Variants in SENP7 observed in about 807,000 individuals in gnomAD.
The protein encoded by SENP7 is SUMO specific peptidase 7.
A neutral mutation model predicts 141.2 loss-of-function variants in SENP7; 64 were observed. The observed-to-expected ratio is 0.45, with a 90% CI of 0.37 to 0.56. The LOEUF (loss-of-function observed/expected upper bound fraction) is 0.56. Among genes scored for constraint, SENP7 ranks in the 20% least tolerant of loss-of-function variants. The probability of loss-of-function intolerance (pLI) is 0.00; values close to 1 mark genes in which losing one functional copy is unlikely to be tolerated. For synonymous variants in SENP7, 382 were observed against 426.4 expected, an observed-to-expected ratio of 0.90 and a Z score of 1.28; for missense variants, 1,025 against 1,212.2, an observed-to-expected ratio of 0.85 and a Z score of 2.29.
At chr3:101,418,828 C>G (rs1181458861) in intron 4 of SENP7, among the ~76,000 whole-genome samples, 1 of 151,978 alleles carries the variant, frequency 6.6e-6, no homozygotes, top group Non-Finnish European at 1.5e-5. Context: ...AAAAATTAAG[C>G]TATTAGTTTT....
In SENP7 at chr3:101,357,595, C is replaced by G. The variant is rs934404743; in HGVS notation, c.1623+4120G>C. The G allele has an allele frequency of 7.0e-6, 8 of 1,134,924 alleles. No individual in the cohort carries two copies. The South Asian group carries it at 1.0e-4, about 14-fold the overall frequency. 70.3% of individuals were successfully genotyped at this position (1,134,924 alleles called of 1,614,324 possible). On this transcript the variant is annotated intron_variant, in intron 11 of 23. Coordinates refer to ENST00000394095, the MANE Select transcript of SENP7 (RefSeq NM_020654.5). ...ATGACAATTTACAGTTTAAAAAAAG[C>G]TGTAAAAGTGTGGATGAGTGTAAGG... is the stretch of plus-strand genomic sequence containing the variant.
intron 4 of SENP7, among the ~76,000 whole-genome samples, chr3:101,418,210 G>T (rs1035581035): frequency 4.6e-5 from 7 of 152,050 alleles, no homozygotes; most frequent in African/African-American, 1.7e-4. Context: ...GTCCACTACT[G>T]CATCACTTAC....
At chr3:101,498,503 T>G (rs888782465) in intron 2 of SENP7, among the ~76,000 whole-genome samples, 3 of 152,182 alleles carry the variant, frequency 2.0e-5, no homozygotes, top group African/African-American at 7.2e-5. Flanking sequence ...GTGAGAGATA[T>G]TCTACAAAAT....
At chr3:101,470,241 G>A (rs1413847961) in intron 3 of SENP7, among the ~76,000 whole-genome samples, 1 of 152,132 alleles carries the variant, frequency 6.6e-6, no homozygotes, top group Non-Finnish European at 1.5e-5. Context: ...CAGAACTGAA[G>A]GAGATAGAGA....
At chr3:101,377,257 C>T (rs1381158954) in intron 6 of SENP7, among the ~76,000 whole-genome samples, 1 of 152,138 alleles carries the variant, frequency 6.6e-6, no homozygotes, top group African/African-American at 2.4e-5. Flanking sequence ...AACAACTCTT[C>T]CTGGACGTGA....
intron 5 of SENP7, among the ~76,000 whole-genome samples, chr3:101,412,587 A>C (rs2061486569): frequency 6.6e-6 from 1 of 152,140 alleles, no homozygotes; most frequent in Non-Finnish European, 1.5e-5. Flanking sequence ...ACAAAGATAA[A>C]TAAATATATT....
chr3:101,361,716 G>A lies in SENP7; in HGVS notation c.1622C>T (p.Thr541Ile). The A allele has an allele frequency of 3.8e-6, 6 of 1,558,484 alleles. No individual in the cohort carries two copies. Among genetic ancestry groups the A allele is most frequent in the Non-Finnish European group, 1.7e-6 (2 of 1,160,654 alleles). The change falls in exon 11 of 24, where the codon ACA (threonine) becomes ATA (isoleucine). Residue 541 changes from threonine to isoleucine, a missense_variant and splice_region_variant. Coordinates refer to ENST00000394095, the MANE Select transcript of SENP7 (RefSeq NM_020654.5). ...GAAAATTAAAGAAAATATACTTACT[G>A]TAACACAACCTTTAGAAGCTCCTTT... is the stretch of plus-strand genomic sequence containing the variant. ...KIKGASKGCVTITKKYIKIPF... is the reference protein window; with the variant it reads ...KIKGASKGCVIITKKYIKIPF...
intron 1 of SENP7, among the ~76,000 whole-genome samples, chr3:101,501,723 T>C (rs1460001383): frequency 2.6e-5 from 4 of 151,994 alleles, no homozygotes; most frequent in South Asian, 2.1e-4. Flanking sequence ...ATGAGTACAG[T>C]ATAGTGGGCA....
intron 19 of SENP7, 120 bp from the exon 20 acceptor site, chr3:101,330,506 GATTTA>G: frequency 1.9e-6 from 1 of 525,284 alleles, no homozygotes. Context: ...AAATACTTGA[GATTTA>G]ATTTTTTTCA....
intron 6 of SENP7, among the ~76,000 whole-genome samples, chr3:101,384,061 C>A (rs530254328): frequency 6.6e-6 from 1 of 152,374 alleles, no homozygotes; most frequent in Admixed American, 6.5e-5. Flanking sequence ...TCAGGACTAC[C>A]TGCCTGCAGA....
In SENP7 at chr3:101,380,441, C is replaced by CG. The variant is rs1379903567; in HGVS notation, c.678-8316_678-8315insC. 7.2e-4 allele frequency among the ~76,000 whole-genome samples: 73 copies of CG among 101,148 alleles called. 2 individuals are homozygous for CG. The highest frequency in any genetic ancestry group is 1.3e-3 in the Admixed American group (10 of 7,538). The allele number at this position is 101,148 out of a possible 152,430, so 66.4% of individuals were successfully genotyped here. A position where few individuals can be genotyped will look rare whatever the true frequency, so the allele number is the denominator to read the frequency against. On this transcript the variant is annotated intron_variant, in intron 6 of 23. Transcript: ENST00000394095. ...GAACGTAAAGCAAACCACCGCCCCC[C>CG]CCCCCACACACACACACAAAACAAA...
chr3:101,512,979 GC>G, intron 1 of SENP7, 111 bp downstream of exon 1: 1 of 1,165,976 alleles, frequency 8.6e-7, no homozygotes. Context: ...TCCTCTCCCC[GC>G]CCCCGCCCTC....
At chr3:101,455,444 G>A (rs960880434) in intron 4 of SENP7, among the ~76,000 whole-genome samples, 3 of 152,106 alleles carry the variant, frequency 2.0e-5, no homozygotes, top group Non-Finnish European at 4.4e-5. Flanking sequence ...ATTATAAATA[G>A]AGGGTTTTCA....
Position 101,334,634 on chromosome 3 carries a change from T to C in SENP7, c.2481-1772A>G, listed in dbSNP as rs544505869. Among the ~76,000 whole-genome samples, 37 of 152,348 alleles carry C rather than the reference T, an allele frequency of 2.4e-4. No individual in the cohort carries two copies. The South Asian group carries it at 5.0e-3, about 20-fold the overall frequency. On this transcript the variant is annotated intron_variant, in intron 17 of 23. Transcript: ENST00000394095. ...CATAAAAAAATCAAAGTCACGTTTA[T>C]TGAATTTTCTCATTTCAAAAGGACC...
chr3:101,502,924 A>T (rs996314312), intron 1 of SENP7, among the ~76,000 whole-genome samples: 34 of 149,576 alleles, frequency 2.3e-4, no homozygotes, highest in Non-Finnish European at 3.0e-4. Context: ...TCAGATTTAA[A>T]AAAAAAAAAA....
At position 101,450,183 on chromosome 3, in the gene SENP7, C is replaced by T. The variant is rs192882139; in HGVS notation, c.284+8772G>A. ...CTAACTATCCTAAATATATATGCACCCAACACAGGAGGACCCAGATTCATA... is the reference window on the plus strand; with the variant it reads ...CTAACTATCCTAAATATATATGCACTCAACACAGGAGGACCCAGATTCATA... On this transcript the variant is annotated intron_variant, in intron 4 of 23. Coordinates refer to ENST00000394095, the MANE Select transcript of SENP7 (RefSeq NM_020654.5). Among the ~76,000 whole-genome samples, 1,456 of 152,134 alleles carry T rather than the reference C, an allele frequency of 9.6e-3. 22 individuals carry two copies. The highest frequency in any genetic ancestry group is 0.033 in the African/African-American group (1,380 of 41,458).
chr3:101,330,368 G>T lies in SENP7; in HGVS notation c.2717C>A (p.Thr906Asn). 6.2e-7 allele frequency: 1 copy of T among 1,607,204 alleles called. No individual in the cohort carries two copies. The highest frequency in any genetic ancestry group is 8.5e-7 in the Non-Finnish European group (1 of 1,174,348). Residue 906 changes from threonine to asparagine, a missense_variant, in exon 20 of 24, where the codon ACT (threonine) becomes AAT (asparagine). By Grantham distance (65) the Thr-to-Asn change is moderately conservative (BLOSUM62 0). Around this residue, in one of 4 missense-constraint regions of SENP7, gnomAD observed 295 missense variants for 459.1 expected, o/e 0.64. Transcript: ENST00000394095. ...NKTIDNDLRT[T>N]STLSLSAEDS... The stretch of plus-strand genomic sequence containing the variant: ...CTCTGCACTCAAAGACAGTGTCGAA[G>T]TAGTACGTAGATCATTATCTAGTTA...
At chr3:101,441,979 C>G (rs2062693631) in intron 4 of SENP7, among the ~76,000 whole-genome samples, 1 of 152,148 alleles carries the variant, frequency 6.6e-6, no homozygotes, top group South Asian at 2.1e-4. Context: ...GGAGACTATA[C>G]CACTGCATCC....
At position 101,460,914 on chromosome 3, in the gene SENP7, T is replaced by G. The variant is rs116339311; in HGVS notation, c.187-1862A>C. ...GAGTTTCAGGTCAGCCTGGGCAACA[T>G]AGTAAGACCCCATCTCTTAAAAGAA... On this transcript the variant is annotated intron_variant, in intron 3 of 23. Coordinates refer to ENST00000394095, the MANE Select transcript of SENP7 (RefSeq NM_020654.5). Among the ~76,000 whole-genome samples the G allele has an allele frequency of 8.5e-4, 129 of 151,644 alleles. 4 individuals carry two copies. The East Asian group carries it at 0.025, about 29-fold the overall frequency.
Sources: allele counts gnomAD v4.1 joint callset (sites outside exome capture counted in the v4.1 genomes callset), GRCh38; gene constraint gnomAD v4.1.1; regional missense constraint gnomAD v4.1.1; transcripts MANE v1.5; gene names NCBI Gene and HGNC (gene_info 2026-07-23, HGNC 2026-07-21).